The following NHSL2 variants were observed in gnomAD, a reference collection of about 807,000 sequenced individuals.
NHSL2 encodes the protein NHS-like protein 2.
NHSL2 carries 27 observed loss-of-function variants against 53.4 expected under a neutral mutation model. The observed-to-expected ratio is 0.51, with a 90% CI of 0.37 to 0.70. The LOEUF (loss-of-function observed/expected upper bound fraction) is 0.70. Ranked by LOEUF, NHSL2 falls within the 30% of genes least tolerant of loss-of-function variation. The probability of loss-of-function intolerance (pLI) is 0.00; values close to 1 mark genes in which losing one functional copy is unlikely to be tolerated. For missense variants in NHSL2, 892 were observed against 980.1 expected (o/e 0.91, Z 1.20); for synonymous variants, 408 against 404.1 (o/e 1.01, Z -0.12).
chrX:72,079,406 C>A (rs7470983), intron 1 of NHSL2, among the ~76,000 whole-genome samples: 18 of 112,190 alleles, frequency 1.6e-4, no homozygotes, highest in Non-Finnish European at 3.4e-4. Context: ...GAAGAGCAAG[C>A]TGGATGACCC....
intron 1 of NHSL2, chrX:72,131,598 G>C: frequency 2.7e-6 from 3 of 1,100,227 alleles, no homozygotes; most frequent in Non-Finnish European, 3.6e-6. Context: ...CTGGAACTAC[G>C]GGCGGCCGGA....
chrX:71,980,971 A>G (rs2041975781), intron 1 of NHSL2, among the ~76,000 whole-genome samples: 1 of 111,988 alleles, frequency 8.9e-6, no homozygotes, highest in South Asian at 3.7e-4. Flanking sequence ...TCTACATGCA[A>G]AAATGAATAA....
chrX:72,076,163 C>T (rs1290142826), intron 1 of NHSL2, among the ~76,000 whole-genome samples: 2 of 110,921 alleles, frequency 1.8e-5, no homozygotes, highest in Non-Finnish European at 3.8e-5. Context: ...GAACTCCCGA[C>T]CTCAGGTGAT....
At chrX:72,052,791 C>T (rs939529057) in intron 1 of NHSL2, among the ~76,000 whole-genome samples, 2 of 111,813 alleles carry the variant, frequency 1.8e-5, no homozygotes, top group African/African-American at 6.5e-5. Flanking sequence ...GGGGCCTCTC[C>T]TGAGCCATCC....
chrX:71,941,295 T>G (rs1291201215), intron 1 of NHSL2, among the ~76,000 whole-genome samples: 1 of 112,074 alleles, frequency 8.9e-6, no homozygotes, highest in Admixed American at 9.4e-5. Flanking sequence ...TGGGTCATTG[T>G]ATTCATGTTT....
At chrX:71,943,100 C>T (rs1171396698) in intron 1 of NHSL2, among the ~76,000 whole-genome samples, 1 of 110,056 alleles carries the variant, frequency 9.1e-6, no homozygotes, top group Non-Finnish European at 1.9e-5. Flanking sequence ...ATTCTTCCTT[C>T]AGAGTCTCTC....
intron 1 of NHSL2, among the ~76,000 whole-genome samples, chrX:72,012,218 C>T (rs1162612552): frequency 1.8e-5 from 2 of 111,477 alleles, no homozygotes; most frequent in African/African-American, 6.5e-5. Context: ...AAACACTTTC[C>T]TGTTTCTTCC....
intron 1 of NHSL2, among the ~76,000 whole-genome samples, chrX:72,003,052 G>C (rs1303511543): frequency 9.1e-6 from 1 of 109,993 alleles, no homozygotes; most frequent in Non-Finnish European, 1.9e-5. Flanking sequence ...TGGTGGTACT[G>C]ACGTGTGGTG....
chrX:72,085,399 C>A (rs193148241), intron 1 of NHSL2, among the ~76,000 whole-genome samples: 2 of 112,326 alleles, frequency 1.8e-5, no homozygotes, highest in African/African-American at 6.5e-5. Context: ...TAGATATATT[C>A]GGATCATATT....
In NHSL2 at chrX:72,152,195, G is replaced by T. The variant is rs2042519418; in HGVS notation, c.*8621G>T. 8.9e-6 allele frequency: 1 copy of T among 112,941 alleles called. No homozygotes were observed. The highest frequency in any genetic ancestry group is 9.4e-5 in the Admixed American group (1 of 10,675). 9.3% of individuals were successfully genotyped at this position (112,941 alleles called of 1,213,427 possible). A position where few individuals can be genotyped will look rare whatever the true frequency, so the allele number is the denominator to read the frequency against. ...CCCATCTCCACCTCTAATGCTTCTT[G>T]GGAGTCTGAAGCTCAGATTCACATT... On this transcript the variant is annotated 3_prime_UTR_variant, in exon 8 of 8. Transcript: ENST00000633930.
chrX:72,050,714 C>T (rs776754013), intron 1 of NHSL2, among the ~76,000 whole-genome samples: 18 of 110,187 alleles, frequency 1.6e-4, no homozygotes, highest in African/African-American at 4.0e-4. Flanking sequence ...GCCAATATAG[C>T]GAAACCCTGT....
chrX:71,954,312 CAGCAAGGAAGGGGCAGA>C (rs1037828905), intron 1 of NHSL2, among the ~76,000 whole-genome samples: 2 of 112,232 alleles, frequency 1.8e-5, no homozygotes, highest in Non-Finnish European at 3.8e-5. Context: ...CACCATCACA[CAGCAAGGAAGGGGCAGA>C]AGCCAGGAGG....
At chrX:72,089,369 T>A (rs2041877301) in intron 1 of NHSL2, among the ~76,000 whole-genome samples, 1 of 111,431 alleles carries the variant, frequency 9.0e-6, no homozygotes, top group Non-Finnish European at 1.9e-5. Flanking sequence ...CAATAAAGAA[T>A]GTCACAAGGC....
intron 1 of NHSL2, among the ~76,000 whole-genome samples, chrX:71,912,036 A>G (rs982900919): frequency 8.9e-6 from 1 of 112,141 alleles, no homozygotes; most frequent in African/African-American, 3.2e-5. Context: ...CCCCCTACCC[A>G]CTACCGCTAG....
At position 72,044,843 on chromosome X, in the gene NHSL2, G is replaced by A. The variant is rs756232050; in HGVS notation, c.281-87236G>A. On this transcript the variant is annotated intron_variant, in intron 1 of 7. Transcript: ENST00000633930. ...TGCAAGGACCGAACACCCCCACCCCGATTTAGACCTGCGGGTGCTGCCCCA... is the reference window on the plus strand; with the variant it reads ...TGCAAGGACCGAACACCCCCACCCCAATTTAGACCTGCGGGTGCTGCCCCA... 107 of 1,091,904 alleles carry A rather than the reference G, an allele frequency of 9.8e-5. 1 individual carries two copies. In the African/African-American group the frequency reaches 1.4e-3, roughly 14 times the overall value. The allele number at this position is 1,091,904 out of a possible 1,213,427, so 90.0% of individuals were successfully genotyped here. A position where few individuals can be genotyped will look rare whatever the true frequency, so the allele number is the denominator to read the frequency against.
At chrX:72,039,056 C>A (rs1203202544) in intron 1 of NHSL2, among the ~76,000 whole-genome samples, 6 of 107,869 alleles carry the variant, frequency 5.6e-5, no homozygotes, top group African/African-American at 2.0e-4. Flanking sequence ...TTTTCCTTCC[C>A]TTCTCTTTTC....
At chrX:71,945,995 T>C (rs1476339560) in intron 1 of NHSL2, among the ~76,000 whole-genome samples, 1 of 112,373 alleles carries the variant, frequency 8.9e-6, no homozygotes, top group Non-Finnish European at 1.9e-5. Flanking sequence ...TTGAGCCACC[T>C]ACTCCAAGAC....
intron 1 of NHSL2, among the ~76,000 whole-genome samples, chrX:72,056,050 C>A (rs1365726425): frequency 8.9e-6 from 1 of 111,935 alleles, no homozygotes; most frequent in Non-Finnish European, 1.9e-5. Flanking sequence ...TACTATGCAG[C>A]CTTTAAAATT....
rs1569468335 is a variant in NHSL2, at chrX:71,976,769, T to A, written c.280+65402T>A. ...CCAGATCTGTCTGACTAAAGCCTGT[T>A]GTCTTTCCACTAGACCGTAGAGAGG... On this transcript the variant is annotated intron_variant, in intron 1 of 7. Coordinates refer to ENST00000633930, the MANE Select transcript of NHSL2 (RefSeq NM_001013627.3). 2.7e-5 allele frequency among the ~76,000 whole-genome samples: 3 copies of A among 112,436 alleles called. 1 individual carries two copies. The Admixed American group carries it at 2.8e-4, about 11-fold the overall frequency.
Sources: allele counts gnomAD v4.1 joint callset (sites outside exome capture counted in the v4.1 genomes callset), GRCh38; gene constraint gnomAD v4.1.1; transcripts MANE v1.5; gene names NCBI Gene and HGNC (gene_info 2026-07-23, HGNC 2026-07-21).